ARFGEF2: variants seen among roughly 807,000 people sequenced by gnomAD.
ARFGEF2 encodes the protein brefeldin A-inhibited guanine nucleotide-exchange protein 2.
Under a neutral mutation model 219.9 loss-of-function variants are expected in ARFGEF2, and 74 were observed. That is an observed-to-expected ratio of 0.34 (90% CI 0.28 to 0.41). The LOEUF is 0.41. Ranked by LOEUF, ARFGEF2 falls within the 10% of genes least tolerant of loss-of-function variation. The pLI, the probability that ARFGEF2 is intolerant of heterozygous loss-of-function variation, is 1.00. For missense variants in ARFGEF2, 1,743 were observed against 2,218.3 expected, an observed-to-expected ratio of 0.79 and a Z score of 4.30; for synonymous variants, 733 against 799.2, an observed-to-expected ratio of 0.92 and a Z score of 1.40.
At chr20:48,982,833 T>C (rs1415853942) in intron 14 of ARFGEF2, among the ~76,000 whole-genome samples, 1 of 152,150 alleles carries the variant, frequency 6.6e-6, no homozygotes, top group Non-Finnish European at 1.5e-5. Context: ...TGGTGTGCCA[T>C]TTGCTAAGAC....
chr20:49,004,563 G>A (rs1244040414), intron 25 of ARFGEF2, among the ~76,000 whole-genome samples: 1 of 151,900 alleles, frequency 6.6e-6, no homozygotes, highest in Non-Finnish European at 1.5e-5. Flanking sequence ...CACTTTGGGA[G>A]GCCAAGGCAG....
chr20:49,016,566 AAC>A (rs775715770), intron 31 of ARFGEF2, 151 bp downstream of exon 31: 6 of 892,110 alleles, frequency 6.7e-6, no homozygotes, highest in African/African-American at 1.7e-5. Flanking sequence ...CAGTATAAAA[AAC>A]AGTGCCCCCC....
intron 30 of ARFGEF2, 39 bp downstream of exon 30, chr20:49,013,999 G>A (rs1465248650): frequency 1.2e-5 from 19 of 1,612,886 alleles, no homozygotes; most frequent in Non-Finnish European, 1.5e-5. Context: ...GTATGATGGA[G>A]AGGAAAGCCT....
At chr20:49,017,657 T>G (rs2091539395) in intron 33 of ARFGEF2, 107 bp downstream of exon 33, 3 of 1,116,966 alleles carry the variant, frequency 2.7e-6, no homozygotes, top group Non-Finnish European at 3.9e-6. Context: ...TGAGTAAAAT[T>G]ATAAGATCTA....
In ARFGEF2 at chr20:48,989,287, GT is replaced by G; in HGVS notation, c.2537del (p.Val846GlufsTer13). The G allele has an allele frequency of 6.2e-7, 1 of 1,614,206 alleles. No individual in the cohort carries two copies. Among genetic ancestry groups the G allele is most frequent in the Non-Finnish European group, 8.5e-7 (1 of 1,180,022 alleles). ...TIATKSTKQN[V>X]ASEKQRRLLY... ...CCTATCATGCTCTTACTTTACAGAT[GT>G]AGCTAGTGAAAAGCAGCGGCGGCTG... On this transcript the variant is annotated frameshift_variant, in exon 19 of 39. Coordinates refer to ENST00000371917, the MANE Select transcript of ARFGEF2 (RefSeq NM_006420.3). LOFTEE classifies it high-confidence loss of function.
At chr20:49,011,822 C>T (rs1238486704) in intron 27 of ARFGEF2, 102 bp from the exon 28 acceptor site, 3 of 1,285,662 alleles carry the variant, frequency 2.3e-6, no homozygotes, top group African/African-American at 3.0e-5. Flanking sequence ...AGTTAATTAT[C>T]TCTGATGTAT....
intron 21 of ARFGEF2, 61 bp downstream of exon 21, chr20:48,991,259 A>C: frequency 6.2e-7 from 1 of 1,601,580 alleles, no homozygotes; most frequent in Non-Finnish European, 8.5e-7. Flanking sequence ...CCTTTTATTC[A>C]TTGTTGATCT....
At chr20:49,006,975 C>T (rs914786221) in intron 26 of ARFGEF2, among the ~76,000 whole-genome samples, 12 of 151,644 alleles carry the variant, frequency 7.9e-5, no homozygotes, top group South Asian at 4.2e-4. Context: ...CTACCGTGGC[C>T]GGCCTGCCAT....
chr20:49,018,455 TG>T (rs1361349279), intron 33 of ARFGEF2, among the ~76,000 whole-genome samples: 15 of 152,242 alleles, frequency 9.9e-5, no homozygotes, highest in Admixed American at 2.0e-4. Flanking sequence ...AGGCTGGTCT[TG>T]AACTCCTGAC....
intron 16 of ARFGEF2, among the ~76,000 whole-genome samples, chr20:48,987,533 T>C (rs943396150): frequency 2.6e-5 from 4 of 152,228 alleles, no homozygotes; most frequent in East Asian, 1.9e-4. Flanking sequence ...GCAGTTTTAG[T>C]CATCTTTATA....
chr20:48,998,789 C>T (rs770109588), intron 25 of ARFGEF2, among the ~76,000 whole-genome samples: 1 of 152,158 alleles, frequency 6.6e-6, no homozygotes, highest in Non-Finnish European at 1.5e-5. Flanking sequence ...TAGACAAATA[C>T]ACTGATGCTT....
In ARFGEF2 at chr20:48,994,544, G is replaced by A. The variant is rs749536127; in HGVS notation, c.3067G>A (p.Gly1023Arg). 8.7e-6 allele frequency: 14 copies of A among 1,614,034 alleles called. No homozygotes were observed. In the Admixed American group the frequency reaches 2.2e-4, roughly 25 times the overall value. Residue 1023 changes from glycine to arginine, a missense_variant, in exon 22 of 39, where the codon GGG becomes AGG. By Grantham distance (125) the Gly-to-Arg change is moderately radical (BLOSUM62 -2). Coordinates refer to ENST00000371917, the MANE Select transcript of ARFGEF2 (RefSeq NM_006420.3). ...YLSGSGREREGSLKGHTLAGE... is the reference protein window; with the variant it reads ...YLSGSGRERERSLKGHTLAGE... ...GTCTGGATCTGGGCGTGAAAGAGAA[G>A]GGAGCCTGAAGGGCCACACATTGGC...
chr20:48,937,174 T>A (rs997526933), intron 1 of ARFGEF2, among the ~76,000 whole-genome samples: 9 of 152,210 alleles, frequency 5.9e-5, no homozygotes, highest in African/African-American at 2.2e-4. Context: ...CCCCCATTGC[T>A]GCTAGGCTGG....
At chr20:49,006,755 C>A (rs112340361) in intron 26 of ARFGEF2, among the ~76,000 whole-genome samples, 8,280 of 152,176 alleles carry the variant, frequency 0.054, 303 homozygotes, top group Non-Finnish European at 0.074. Flanking sequence ...ATGGAGGGAA[C>A]AAGGCAGGTA....
intron 1 of ARFGEF2, among the ~76,000 whole-genome samples, chr20:48,934,523 G>A (rs6095369): frequency 2.6e-5 from 4 of 152,044 alleles, no homozygotes; most frequent in Non-Finnish European, 5.9e-5. Flanking sequence ...CCCCTCAACA[G>A]GCCCTGGTGT....
At chr20:49,016,718 G>A (rs2091533366) in intron 31 of ARFGEF2, among the ~76,000 whole-genome samples, 1 of 152,038 alleles carries the variant, frequency 6.6e-6, no homozygotes, top group Non-Finnish European at 1.5e-5. Flanking sequence ...TTTTTAAAAT[G>A]TATTGTTTCA....
At chr20:48,970,983 C>G in intron 9 of ARFGEF2, 137 bp from the exon 10 acceptor site, 1 of 768,090 alleles carries the variant, frequency 1.3e-6, no homozygotes, top group Non-Finnish European at 2.3e-6. Context: ...GCCATCTGCC[C>G]TCATTCTCCT....
In ARFGEF2 at chr20:49,035,346, A is replaced by T. The variant is rs1448741745; in HGVS notation, c.*2147A>T. The T allele has an allele frequency of 6.6e-6, 1 of 152,154 alleles. No individual in the cohort carries two copies. The highest frequency in any genetic ancestry group is 6.5e-5 in the Admixed American group (1 of 15,270). 9.4% of individuals were successfully genotyped at this position (152,154 alleles called of 1,614,324 possible). ...TACTTGCTGAAACATTCAGGCTTAC[A>T]TTTCTTATTAGTTTAGTATTTTAAA... On this transcript the variant is annotated 3_prime_UTR_variant, in exon 39 of 39. Coordinates refer to ENST00000371917, the MANE Select transcript of ARFGEF2 (RefSeq NM_006420.3).
chr20:48,929,557 T>A (rs1308241213), intron 1 of ARFGEF2, among the ~76,000 whole-genome samples: 2 of 146,562 alleles, frequency 1.4e-5, no homozygotes, highest in Admixed American at 1.4e-4. Flanking sequence ...TAGGTCATAA[T>A]AACAACCCGA....
Sources: gnomAD v4.1 joint callset for allele counts (sites outside exome capture counted in the v4.1 genomes callset) on GRCh38, gnomAD v4.1.1 for gene constraint, MANE v1.5 for transcripts, NCBI Gene and HGNC (gene_info 2026-07-23, HGNC 2026-07-21) for gene names.